PREX2: variants seen among roughly 807,000 people sequenced by gnomAD.
PREX2 encodes phosphatidylinositol 3,4,5-trisphosphate-dependent Rac exchanger 2 protein.
PREX2 carries 107 observed loss-of-function variants against 203.2 expected under a neutral mutation model. The ratio of observed to expected loss-of-function variants is 0.53; its 90% CI spans 0.45 to 0.62. PREX2 has a LOEUF of 0.62. Among genes scored for constraint, PREX2 ranks in the 20% least tolerant of loss-of-function variants. The pLI is 0.00. For synonymous variants in PREX2, 672 were observed against 663.6 expected (o/e 1.01, Z -0.19); for missense variants, 1,777 against 1,955.9 (o/e 0.91, Z 1.72).
At chr8:68,217,210 A>G (rs1404751128) in intron 37 of PREX2, among the ~76,000 whole-genome samples, 2 of 152,206 alleles carry the variant, frequency 1.3e-5, no homozygotes, top group African/African-American at 2.4e-5. Flanking sequence ...TTCTTCTGCT[A>G]TATTTGTGCA....
intron 1 of PREX2, among the ~76,000 whole-genome samples, chr8:67,999,483 A>AAAAAAG (rs1554563031): frequency 6.7e-6 from 1 of 150,070 alleles, no homozygotes; most frequent in African/African-American, 2.4e-5. Context: ...CAAACCAAAA[A>AAAAAAG]AAAAAAAAAA....
At chr8:68,086,879 C>A (rs537314315) in intron 18 of PREX2, among the ~76,000 whole-genome samples, 2 of 152,116 alleles carry the variant, frequency 1.3e-5, no homozygotes, top group East Asian at 3.9e-4. Flanking sequence ...TATTTTGATA[C>A]CACGTTTGAC....
At chr8:68,095,223 C>T (rs1412995957) in intron 21 of PREX2, 1 of 152,046 alleles carries the variant, frequency 6.6e-6, no homozygotes, top group Non-Finnish European at 1.5e-5. Context: ...ATTAAATCAT[C>T]AGCCATTGGT....
chr8:68,215,738 C>A (rs1469497460), intron 37 of PREX2, among the ~76,000 whole-genome samples: 1 of 151,960 alleles, frequency 6.6e-6, no homozygotes, highest in Admixed American at 6.6e-5. Context: ...GAGGTTTCAC[C>A]GTGTTAACCA....
rs183094076 is a variant in PREX2 at position 68,103,795 on chromosome 8, G to A, written c.2715+3952G>A. On this transcript the variant is annotated intron_variant, in intron 23 of 39. Coordinates refer to ENST00000288368, the MANE Select transcript of PREX2 (RefSeq NM_024870.4). Reference sequence around the variant, plus strand: ...CCTGGTTTTTGTCCTTTCTTGTGGGGGCTCCTCTGTGGTATCCTATGCTGA... The same window carrying A: ...CCTGGTTTTTGTCCTTTCTTGTGGGAGCTCCTCTGTGGTATCCTATGCTGA... 2,142 of 506,230 alleles carry A rather than the reference G, an allele frequency of 4.2e-3. 14 individuals are homozygous for A. Among genetic ancestry groups the A allele is most frequent in the Non-Finnish European group, 5.2e-3 (1,331 of 253,610 alleles). 31.4% of individuals were successfully genotyped at this position (506,230 alleles called of 1,614,324 possible).
At chr8:68,156,524 C>A (rs1013970762) in intron 34 of PREX2, among the ~76,000 whole-genome samples, 1 of 152,166 alleles carries the variant, frequency 6.6e-6, no homozygotes, top group African/African-American at 2.4e-5. Context: ...AAATAATTTT[C>A]TCTCTACCTT....
intron 1 of PREX2, among the ~76,000 whole-genome samples, chr8:67,998,345 T>C (rs1167294994): frequency 6.6e-6 from 1 of 152,250 alleles, no homozygotes; most frequent in African/African-American, 2.4e-5. Flanking sequence ...ATGGGGGACC[T>C]TTCTTATTTC....
At chr8:68,078,086 C>T (rs1809401662) in intron 15 of PREX2, among the ~76,000 whole-genome samples, 1 of 152,088 alleles carries the variant, frequency 6.6e-6, no homozygotes, top group Non-Finnish European at 1.5e-5. Context: ...TTAGATTTAT[C>T]AGGGTAATGA....
Position 68,053,202 on chromosome 8 carries a change from A to C in PREX2, c.1049A>C (p.His350Pro). 3 of 1,613,826 alleles carry C rather than the reference A, an allele frequency of 1.9e-6. No individual in the cohort carries two copies. Among genetic ancestry groups the C allele is most frequent in the Non-Finnish European group, 2.5e-6 (3 of 1,179,770 alleles). Residue 350 changes from histidine (H) to proline (P), a missense_variant, in exon 9 of 40, where the codon CAT becomes CCT. His to Pro is a moderately conservative substitution (Grantham distance 77). Transcript: ENST00000288368. The stretch of plus-strand genomic sequence containing the variant: ...ATGGCAAAAACACCTGAAGAGAAGC[A>C]TGAATGGTTTGAAGCTATTTTGAAA... ...VCMAKTPEEK[H>P]EWFEAILKER...
intron 1 of PREX2, among the ~76,000 whole-genome samples, chr8:67,994,234 CT>C (rs1421388759): frequency 1.3e-5 from 2 of 152,190 alleles, no homozygotes; most frequent in Admixed American, 6.5e-5. Flanking sequence ...ACGTGTCCCA[CT>C]GGTCATCAGC....
chr8:67,980,692 C>A (rs185587979), intron 1 of PREX2, among the ~76,000 whole-genome samples: 89 of 152,298 alleles, frequency 5.8e-4, no homozygotes, highest in Admixed American at 1.1e-3. Flanking sequence ...GTGGTTCCCC[C>A]ATACTGTTCT....
chr8:68,047,345 C>T (rs1352089723), intron 8 of PREX2, among the ~76,000 whole-genome samples: 1 of 151,300 alleles, frequency 6.6e-6, no homozygotes, highest in Non-Finnish European at 1.5e-5. Flanking sequence ...CAAGTACTCC[C>T]CATACTTGGC....
At chr8:68,035,825 C>T (rs1808010454) in intron 6 of PREX2, among the ~76,000 whole-genome samples, 1 of 152,110 alleles carries the variant, frequency 6.6e-6, no homozygotes, top group Admixed American at 6.6e-5. Context: ...GTTAAAGGTA[C>T]ATCATCTCAG....
intron 20 of PREX2, among the ~76,000 whole-genome samples, 180 bp downstream of exon 20, chr8:68,090,895 T>G (rs964954952): frequency 1.1e-4 from 17 of 152,324 alleles, no homozygotes; most frequent in Middle Eastern, 3.4e-3. Context: ...TTGATTGTGT[T>G]TAAATGGTTA....
intron 9 of PREX2, 84 bp from the exon 10 acceptor site, chr8:68,055,746 C>T: frequency 7.7e-7 from 1 of 1,305,804 alleles, no homozygotes; most frequent in Non-Finnish European, 1.1e-6. Flanking sequence ...AGACCTGCAA[C>T]AAATGCTTGC....
chr8:67,968,319 A>G (rs1161262980), intron 1 of PREX2, among the ~76,000 whole-genome samples: 1 of 152,082 alleles, frequency 6.6e-6, no homozygotes, highest in Non-Finnish European at 1.5e-5. Context: ...CTAAATTGTT[A>G]ATAGAATCTG....
At position 68,235,715 on chromosome 8, in the gene PREX2, T is replaced by C. The variant is rs537856324; in HGVS notation, c.*4337T>C. The C allele has an allele frequency of 6.6e-6, 1 of 152,270 alleles. No individual in the cohort carries two copies. The highest frequency in any genetic ancestry group is 2.1e-4 in the South Asian group (1 of 4,826). The allele number at this position is 152,270 out of a possible 1,614,324, so 9.4% of individuals were successfully genotyped here. ...GAACAAATATTGACCATTATCTTCC[T>C]AGGTGCTACAACTCCATACTAGTCA... On this transcript the variant is annotated 3_prime_UTR_variant, in exon 40 of 40. Coordinates refer to ENST00000288368, the MANE Select transcript of PREX2 (RefSeq NM_024870.4).
At chr8:68,132,443 A>G (rs943521578) in intron 31 of PREX2, among the ~76,000 whole-genome samples, 3 of 152,020 alleles carry the variant, frequency 2.0e-5, no homozygotes, top group Non-Finnish European at 4.4e-5. Flanking sequence ...GCATGTTTCT[A>G]TAGTTGAGCC....
chr8:68,107,654 T>C (rs1037468149), intron 23 of PREX2, among the ~76,000 whole-genome samples: 1 of 152,170 alleles, frequency 6.6e-6, no homozygotes, highest in African/African-American at 2.4e-5. Context: ...TTGGATTAGC[T>C]TTATGCTTGT....
Sources: allele counts gnomAD v4.1 joint callset (sites outside exome capture counted in the v4.1 genomes callset), GRCh38; gene constraint gnomAD v4.1.1; transcripts MANE v1.5; gene names NCBI Gene and HGNC (gene_info 2026-07-23, HGNC 2026-07-21).